The following NCALD variants were observed in gnomAD, a reference collection of about 807,000 sequenced individuals.
NCALD encodes neurocalcin-delta.
Under a neutral mutation model 18.6 loss-of-function variants are expected in NCALD, and 10 were observed. That is an observed-to-expected ratio of 0.54 (90% confidence interval 0.33 to 0.91). NCALD has a LOEUF of 0.91. Ranked by LOEUF, NCALD falls within the 40% of genes least tolerant of loss-of-function variation. The probability of loss-of-function intolerance (pLI) is 0.03; values close to 1 mark genes in which losing one functional copy is unlikely to be tolerated. For missense variants in NCALD, 184 were observed against 247.6 expected (o/e 0.74, Z 1.72); for synonymous variants, 88 against 87.4 (o/e 1.01, Z -0.04).
intron 3 of NCALD, among the ~76,000 whole-genome samples, chr8:101,904,306 C>T (rs1817538496): frequency 6.6e-6 from 1 of 152,138 alleles, no homozygotes; most frequent in Non-Finnish European, 1.5e-5. Flanking sequence ...GCCCCCGCTC[C>T]CCTAATCCCT....
chr8:101,743,285 A>G (rs1810291104), intron 1 of NCALD, among the ~76,000 whole-genome samples: 1 of 149,974 alleles, frequency 6.7e-6, no homozygotes, highest in African/African-American at 2.4e-5. Context: ...GTAGGTCCAA[A>G]GCATGATATG....
At chr8:101,819,845 T>C (rs142675891) in intron 4 of NCALD, among the ~76,000 whole-genome samples, 1 of 152,322 alleles carries the variant, frequency 6.6e-6, no homozygotes, top group East Asian at 1.9e-4. Flanking sequence ...GCAAACACAC[T>C]GCCAGGAGCA....
intron 1 of NCALD, among the ~76,000 whole-genome samples, chr8:102,046,371 T>A (rs1367572272): frequency 6.6e-6 from 1 of 152,232 alleles, no homozygotes; most frequent in Non-Finnish European, 1.5e-5. Flanking sequence ...CTGAGACAAC[T>A]TCTACAAATT....
intron 2 of NCALD, among the ~76,000 whole-genome samples, chr8:101,716,486 A>G (rs1816092109): frequency 6.6e-6 from 1 of 152,200 alleles, no homozygotes; most frequent in South Asian, 2.1e-4. Context: ...AAAAGAAAAA[A>G]TTATAAAAAA....
chr8:101,786,487 T>G (rs758167565), intron 1 of NCALD, among the ~76,000 whole-genome samples: 2 of 152,136 alleles, frequency 1.3e-5, no homozygotes, highest in Non-Finnish European at 2.9e-5. Context: ...ATTTTTGATC[T>G]CCAACGATAT....
chr8:101,779,739 G>A (rs914155065), intron 1 of NCALD, among the ~76,000 whole-genome samples: 4 of 152,176 alleles, frequency 2.6e-5, no homozygotes, highest in East Asian at 1.9e-4. Context: ...CCAACCAAGG[G>A]TATTTTTGTT....
chr8:101,692,224 G>A (rs1394522733), intron 3 of NCALD: 9 of 985,216 alleles, frequency 9.1e-6, no homozygotes, highest in African/African-American at 3.5e-5. Context: ...TGAATTGTGG[G>A]TAGCACCATC....
At chr8:102,081,570 A>AC (rs1824535324) in intron 1 of NCALD, among the ~76,000 whole-genome samples, 4 of 105,094 alleles carry the variant, frequency 3.8e-5, no homozygotes, top group African/African-American at 1.4e-4. Flanking sequence ...AAAAAAAAAA[A>AC]AAAAAACCCC....
chr8:101,968,162 TG>T (rs918522984), intron 2 of NCALD, among the ~76,000 whole-genome samples: 10 of 152,326 alleles, frequency 6.6e-5, no homozygotes, highest in African/African-American at 2.4e-4. Context: ...CCCCAAACTC[TG>T]GAGTCGGTAG....
At chr8:101,692,545 T>G in intron 3 of NCALD, 1 of 985,420 alleles carries the variant, frequency 1.0e-6, no homozygotes. Context: ...CAAGATCCAT[T>G]CTGTTTTCTT....
intron 2 of NCALD, among the ~76,000 whole-genome samples, chr8:101,978,720 C>T (rs762720642): frequency 5.3e-5 from 8 of 152,128 alleles, no homozygotes; most frequent in Admixed American, 1.3e-4. Context: ...AGGCAGACTG[C>T]TTGTCTTATT....
intron 3 of NCALD, chr8:101,690,730 C>T (rs1225199645): frequency 7.1e-6 from 7 of 985,440 alleles, no homozygotes; most frequent in Non-Finnish European, 8.4e-6. Flanking sequence ...AGAGCTGATC[C>T]CCTCCAAGCT....
chr8:101,830,019 C>T (rs568666123), intron 4 of NCALD, among the ~76,000 whole-genome samples: 2 of 133,414 alleles, frequency 1.5e-5, no homozygotes, highest in South Asian at 2.4e-4. Context: ...AAAGAAGCTG[C>T]TAAATATTTA....
At chr8:101,905,559 C>A (rs181329099) in intron 3 of NCALD, among the ~76,000 whole-genome samples, 2 of 152,232 alleles carry the variant, frequency 1.3e-5, no homozygotes, top group East Asian at 3.9e-4. Flanking sequence ...CAAACCATCC[C>A]ACACTATTTA....
chr8:101,875,975 T>C lies in NCALD; in HGVS notation c.-20+11166A>G, dbSNP rs138265907. Among the ~76,000 whole-genome samples the C allele has an allele frequency of 9.4e-3, 1,438 of 152,348 alleles. 10 individuals are homozygous for C. The highest frequency in any genetic ancestry group is 0.014 in the Non-Finnish European group (955 of 68,030). On this transcript the variant is annotated intron_variant, in intron 4 of 6. Coordinates refer to the NCALD transcript ENST00000311028. ...TTTTATGAGAGAAGCTTGGCCTCTCTTTCCTCTCAAAATTGTTCAAATCTT... is the reference window on the plus strand; with the variant it reads ...TTTTATGAGAGAAGCTTGGCCTCTCCTTCCTCTCAAAATTGTTCAAATCTT...
intron 2 of NCALD, among the ~76,000 whole-genome samples, chr8:101,699,164 A>T (rs1478184823): frequency 6.6e-6 from 1 of 152,102 alleles, no homozygotes; most frequent in East Asian, 1.9e-4. Flanking sequence ...CAAACATATG[A>T]AAAAGCGTAT....
At chr8:101,842,800 C>G (rs1280399028) in intron 4 of NCALD, among the ~76,000 whole-genome samples, 1 of 152,180 alleles carries the variant, frequency 6.6e-6, no homozygotes, top group Non-Finnish European at 1.5e-5. Context: ...TTCAGAACCT[C>G]TGGTAACAGG....
intron 2 of NCALD, among the ~76,000 whole-genome samples, chr8:101,939,585 T>C (rs1361792727): frequency 1.3e-5 from 2 of 152,194 alleles, no homozygotes; most frequent in Non-Finnish European, 1.5e-5. Flanking sequence ...AAAATTTGCT[T>C]GGCTAATCCT....
At chr8:102,076,153 T>A (rs1162820110) in intron 1 of NCALD, among the ~76,000 whole-genome samples, 1 of 151,960 alleles carries the variant, frequency 6.6e-6, no homozygotes, top group Non-Finnish European at 1.5e-5. Context: ...CAAAAAGGAA[T>A]AAAAAAATAA....
Sources: allele counts gnomAD v4.1 joint callset (sites outside exome capture counted in the v4.1 genomes callset), GRCh38; gene constraint gnomAD v4.1.1; transcripts MANE v1.5; gene names NCBI Gene and HGNC (gene_info 2026-07-23, HGNC 2026-07-21).